Variants in TLL2 observed in about 807,000 individuals in gnomAD.
TLL2 encodes tolloid-like protein 2.
A neutral mutation model predicts 123.0 loss-of-function variants in TLL2; 106 were observed. The ratio of observed to expected loss-of-function variants is 0.86; its 90% CI spans 0.74 to 1.01. TLL2 has a LOEUF of 1.01. Among genes scored for constraint, TLL2 ranks in the 50% least tolerant of loss-of-function variants. The pLI is 0.00. For missense variants in TLL2, 1,332 were observed against 1,336.7 expected, an observed-to-expected ratio of 1.00 and a Z score of 0.06; for synonymous variants, 494 against 516.8, an observed-to-expected ratio of 0.96 and a Z score of 0.60.
At chr10:96,386,379 C>G (rs1385111550) in intron 14 of TLL2, among the ~76,000 whole-genome samples, 164 bp from the exon 15 acceptor site, 1 of 152,248 alleles carries the variant, frequency 6.6e-6, no homozygotes, top group Non-Finnish European at 1.5e-5. Context: ...ATGGTTTCAA[C>G]TGAATATTTG....
intron 13 of TLL2, among the ~76,000 whole-genome samples, chr10:96,391,385 T>C (rs1846286453): frequency 6.6e-6 from 1 of 152,212 alleles, no homozygotes; most frequent in Non-Finnish European, 1.5e-5. Flanking sequence ...AAACTCCACT[T>C]GCCACGTCCA....
chr10:96,467,100 G>C (rs1847139290), intron 2 of TLL2, among the ~76,000 whole-genome samples: 1 of 152,190 alleles, frequency 6.6e-6, no homozygotes, highest in African/African-American at 2.4e-5. Flanking sequence ...CTGTAACAAA[G>C]TAGACCCATC....
Position 96,370,111 on chromosome 10 carries a change from C to A in TLL2, c.2867G>T (p.Gly956Val). ...GAGCCTGGGCGCTGAGCTGTCGTAG[C>A]CGTCGTAGGCTTCCATGTAGTCGTA... Reference protein sequence around the residue: ...CGYDYMEAYDGYDSSAPRLGR... With the variant: ...CGYDYMEAYDVYDSSAPRLGR... The change falls in exon 20 of 21, where the codon GGC becomes GTC. Residue 956 changes from glycine to valine, a missense_variant. Transcript: ENST00000357947. 7 of 1,612,636 alleles carry A rather than the reference C, an allele frequency of 4.3e-6. No homozygotes were observed. Among genetic ancestry groups the A allele is most frequent in the Non-Finnish European group, 5.1e-6 (6 of 1,179,392 alleles).
chr10:96,407,054 C>T (rs972433299), intron 9 of TLL2, among the ~76,000 whole-genome samples: 19 of 152,226 alleles, frequency 1.2e-4, no homozygotes, highest in Admixed American at 2.0e-4. Flanking sequence ...CAATATTCCA[C>T]TCATATCTCA....
intron 9 of TLL2, among the ~76,000 whole-genome samples, chr10:96,408,941 G>C (rs1846475906): frequency 6.6e-6 from 1 of 152,192 alleles, no homozygotes; most frequent in African/African-American, 2.4e-5. Flanking sequence ...AAGTTGATGA[G>C]AGGACTAAAT....
At chr10:96,483,088 A>T (rs1157754179) in intron 1 of TLL2, among the ~76,000 whole-genome samples, 2 of 152,258 alleles carry the variant, frequency 1.3e-5, no homozygotes, top group Non-Finnish European at 2.9e-5. Flanking sequence ...AGAAAAGCGT[A>T]GGACCAAAAA....
intron 2 of TLL2, among the ~76,000 whole-genome samples, chr10:96,476,877 C>CACACACACACACAG (rs1554939741): frequency 7.3e-4 from 109 of 149,790 alleles, no homozygotes; most frequent in Middle Eastern, 3.4e-3. Context: ...CACACACACA[C>CACACACACACACAG]ACACACACAC....
chr10:96,386,346 T>A, intron 14 of TLL2, 131 bp from the exon 15 acceptor site: 1 of 949,176 alleles, frequency 1.1e-6, no homozygotes, highest in Non-Finnish European at 1.5e-6. Context: ...ACTGATTAAT[T>A]CAGTGTCCTT....
In TLL2 at chr10:96,366,173, C is replaced by A. The variant is rs558579078; in HGVS notation, c.*1915G>T. On this transcript the variant is annotated 3_prime_UTR_variant, in exon 21 of 21. Transcript: ENST00000357947. ...ACAAAAATCAGATAAATGGAATCTA[C>A]CCTAACAGGCAGGTGGGATTGGAGC... 3.9e-5 allele frequency: 6 copies of A among 152,352 alleles called. No individual in the cohort carries two copies. Among genetic ancestry groups the A allele is most frequent in the African/African-American group, 1.2e-4 (5 of 41,436 alleles). The allele number at this position is 152,352 out of a possible 1,614,324, so 9.4% of individuals were successfully genotyped here.
intron 19 of TLL2, among the ~76,000 whole-genome samples, chr10:96,371,315 C>T (rs1261162446): frequency 1.4e-5 from 2 of 142,198 alleles, no homozygotes; most frequent in Non-Finnish European, 3.1e-5. Context: ...AGCAAAACTC[C>T]GTATCAAAAA....
chr10:96,393,105 G>A (rs1846304086), intron 13 of TLL2, among the ~76,000 whole-genome samples: 1 of 152,214 alleles, frequency 6.6e-6, no homozygotes, highest in East Asian at 1.9e-4. Context: ...AAAAGGCAAA[G>A]AAATAGATTC....
In TLL2 at chr10:96,383,067, G is replaced by A. The variant is rs575941015; in HGVS notation, c.2194+1520C>T. On this transcript the variant is annotated intron_variant, in intron 16 of 20. Coordinates refer to ENST00000357947, the MANE Select transcript of TLL2 (RefSeq NM_012465.4). Reference sequence around the variant, plus strand: ...GGGTTTAGGAGTAGAAGGTGATGGTGTGGGGGAACAGTGGGGGGATTATTC... The same window carrying A: ...GGGTTTAGGAGTAGAAGGTGATGGTATGGGGGAACAGTGGGGGGATTATTC... Among the ~76,000 whole-genome samples, 79 of 151,576 alleles carry A rather than the reference G, an allele frequency of 5.2e-4. 1 individual carries two copies. The highest frequency in any genetic ancestry group is 3.4e-3 in the Middle Eastern group (1 of 294).
chr10:96,438,782 G>A (rs901079058), intron 3 of TLL2, among the ~76,000 whole-genome samples: 1 of 152,196 alleles, frequency 6.6e-6, no homozygotes, highest in East Asian at 1.9e-4. Context: ...TATAATGTAA[G>A]CTGTAGGTTT....
chr10:96,380,239 G>A (rs1846173590), intron 16 of TLL2, among the ~76,000 whole-genome samples: 1 of 152,128 alleles, frequency 6.6e-6, no homozygotes, highest in Admixed American at 6.5e-5. Flanking sequence ...AAGCCAACTT[G>A]TTCCTGCATT....
At chr10:96,508,952 T>C (rs1589439971) in intron 1 of TLL2, among the ~76,000 whole-genome samples, 1 of 152,060 alleles carries the variant, frequency 6.6e-6, no homozygotes. Context: ...GTGATGGAAG[T>C]GATAATGTGT....
intron 19 of TLL2, among the ~76,000 whole-genome samples, chr10:96,371,143 G>A (rs1846079527): frequency 6.6e-6 from 1 of 152,032 alleles, no homozygotes; most frequent in Admixed American, 6.6e-5. Flanking sequence ...CCAACATGGT[G>A]AAACCCTGTC....
At chr10:96,501,416 T>A (rs909664450) in intron 1 of TLL2, among the ~76,000 whole-genome samples, 2 of 152,196 alleles carry the variant, frequency 1.3e-5, no homozygotes. Context: ...ATCCTCATGC[T>A]CCAGGACTCG....
intron 5 of TLL2, among the ~76,000 whole-genome samples, chr10:96,422,947 G>A (rs1846640437): frequency 6.6e-6 from 1 of 152,124 alleles, no homozygotes. Context: ...GGCCAACATG[G>A]TGAAACCCTG....
chr10:96,387,481 T>TTAAA, intron 13 of TLL2, among the ~76,000 whole-genome samples: 1 of 152,286 alleles, frequency 6.6e-6, no homozygotes, highest in East Asian at 1.9e-4. Context: ...CTCAGAGATA[T>TTAAA]TAAATAAAGG....
Sources: gnomAD v4.1 joint callset for allele counts (sites outside exome capture counted in the v4.1 genomes callset) on GRCh38, gnomAD v4.1.1 for gene constraint, MANE v1.5 for transcripts, NCBI Gene and HGNC (gene_info 2026-07-23, HGNC 2026-07-21) for gene names.